KRTCAP2: variants seen among roughly 807,000 people sequenced by gnomAD.
KRTCAP2 encodes the protein keratinocyte associated protein 2, also known as dolichyl-diphosphooligosaccharide--protein glycosyltransferase subunit KCP2.
Under a neutral mutation model 16.5 loss-of-function variants are expected in KRTCAP2, and 10 were observed. The observed-to-expected ratio is 0.60, with a 90% confidence interval of 0.37 to 1.02. KRTCAP2 has a LOEUF of 1.02. Among genes scored for constraint, KRTCAP2 ranks in the 50% least tolerant of loss-of-function variants. The probability of loss-of-function intolerance (pLI) is 0.01; values close to 1 mark genes in which losing one functional copy is unlikely to be tolerated. For synonymous variants in KRTCAP2, 68 were observed against 69.8 expected, an observed-to-expected ratio of 0.97 and a Z score of 0.13; for missense variants, 152 against 159.6, an observed-to-expected ratio of 0.95 and a Z score of 0.26.
chr1:155,170,861 T>G (rs1665216697), intron 3 of KRTCAP2: 2 of 152,058 alleles, frequency 1.3e-5, no homozygotes, highest in Admixed American at 1.3e-4. Context: ...CAGGCTGGAG[T>G]GCAGTGGTGC....
At chr1:155,172,665 G>A (rs1447696045) in intron 2 of KRTCAP2, 37 bp from the exon 3 acceptor site, 1 of 1,614,036 alleles carries the variant, frequency 6.2e-7, no homozygotes, top group Non-Finnish European at 8.5e-7. Context: ...TGTGCAACGG[G>A]GACAGAGCTG....
rs567175830 is a variant in KRTCAP2 at position 155,173,150 on chromosome 1, A to C, written c.4+71T>G. 1.7e-5 allele frequency: 23 copies of C among 1,330,588 alleles called. No homozygotes were observed. In the East Asian group the frequency reaches 5.3e-4, roughly 31 times the overall value. 82.4% of individuals were successfully genotyped at this position (1,330,588 alleles called of 1,614,324 possible). On this transcript the variant is annotated intron_variant, in intron 1 of 4. Transcript: ENST00000295682. ...GACACGTCAGCTCTGTCGGGAGAGG[A>C]CGAGGAAAGCTTGTCCACCCAAACC...
intron 2 of KRTCAP2, 25 bp from the exon 3 acceptor site, chr1:155,172,653 G>A (rs998083106): frequency 6.2e-7 from 1 of 1,614,138 alleles, no homozygotes; most frequent in Non-Finnish European, 8.5e-7. Context: ...TAAGGAGTAG[G>A]GTGTGCAACG....
At position 155,173,247 on chromosome 1, in the gene KRTCAP2, C is replaced by T; in HGVS notation, c.-23G>A. The T allele has an allele frequency of 6.2e-7, 1 of 1,614,084 alleles. No homozygotes were observed. Among genetic ancestry groups the T allele is most frequent in the Non-Finnish European group, 8.5e-7 (1 of 1,180,022 alleles). ...CATCATGCCCCGCCCGTGAGTCCAACCGGCGCCTCTGGCCAAGAAAGGCGA... is the reference window on the plus strand; with the variant it reads ...CATCATGCCCCGCCCGTGAGTCCAATCGGCGCCTCTGGCCAAGAAAGGCGA... On this transcript the variant is annotated 5_prime_UTR_variant, in exon 1 of 5. Transcript: ENST00000295682.
At position 155,169,822 on chromosome 1, in the gene KRTCAP2, C is replaced by T; in HGVS notation, c.259G>A (p.Gly87Ser). ...LCLLLALFAS[G>S]LIHRVCVTTC... ...GTGACACAGACTCGGTGGATGAGGC[C>T]AGATGCAAAGAGAGCCAACAGGAGG... Residue 87 changes from glycine to serine, a missense_variant, in exon 4 of 5, where the codon GGC (glycine) becomes AGC (serine). Transcript: ENST00000295682. 2 of 1,596,984 alleles carry T rather than the reference C, an allele frequency of 1.3e-6. No individual in the cohort carries two copies. The highest frequency in any genetic ancestry group is 1.7e-6 in the Non-Finnish European group (2 of 1,171,228).
intron 4 of KRTCAP2, 43 bp from the exon 5 acceptor site, chr1:155,169,603 TG>T: frequency 6.2e-7 from 1 of 1,603,276 alleles, no homozygotes; most frequent in Admixed American, 1.7e-5. Context: ...AGTGGGCATC[TG>T]CCAGCCTGGT....
intron 3 of KRTCAP2, 112 bp downstream of exon 3, chr1:155,172,453 A>G (rs1665286100): frequency 1.3e-6 from 2 of 1,577,426 alleles, no homozygotes; most frequent in African/African-American, 1.4e-5. Context: ...CAGCTTCAGT[A>G]AATATATTTC....
chr1:155,172,527 GAGA>G (rs1336110003), intron 3 of KRTCAP2, 35 bp downstream of exon 3: 2 of 1,614,044 alleles, frequency 1.2e-6, no homozygotes, highest in Non-Finnish European at 1.7e-6. Context: ...GGTTAAAGAG[GAGA>G]AAGTTCAAAT....
At chr1:155,169,720 G>T in intron 4 of KRTCAP2, 71 bp downstream of exon 4, 2 of 1,405,700 alleles carry the variant, frequency 1.4e-6, no homozygotes, top group Non-Finnish European at 2.0e-6. Context: ...AAAAACTCTG[G>T]CACCATCACA....
In KRTCAP2 at chr1:155,172,627, G is replaced by A. The variant is rs1230041468; in HGVS notation, c.161C>T (p.Ala54Val). Residue 54 changes from alanine (A) to valine (V), a missense_variant and splice_region_variant, in exon 3 of 5, where the codon GCC (alanine) becomes GTC (valine). Coordinates refer to ENST00000295682, the MANE Select transcript of KRTCAP2 (RefSeq NM_173852.4). ...GACAAGATTCTCCAGATTATTGAAG[G>A]CCTGGTTGAGGGAGTTAAGGAGTAG... The part of the protein sequence containing the change: ...GSGLFVFSLT[A>V]FNNLENLVFG... The A allele has an allele frequency of 1.1e-5, 17 of 1,614,188 alleles. No homozygotes were observed. The highest frequency in any genetic ancestry group is 1.4e-5 in the Non-Finnish European group (16 of 1,180,038).
At position 155,169,489 on chromosome 1, in the gene KRTCAP2, G is replaced by C. The variant is rs752593729; in HGVS notation, c.362C>G (p.Pro121Arg). The C allele has an allele frequency of 1.8e-5, 29 of 1,613,982 alleles. No homozygotes were observed. In the African/African-American group the frequency reaches 3.6e-4, roughly 20 times the overall value. The change falls in exon 5 of 5, where the codon CCA becomes CGA. Residue 121 changes from proline (P) to arginine (R), a missense_variant. Pro to Arg is a moderately radical substitution (Grantham distance 103). Coordinates refer to ENST00000295682, the MANE Select transcript of KRTCAP2 (RefSeq NM_173852.4). ...TGTGACCTTGGCTGGTGTGAGGACT[G>C]GAGCTGCTGCCTGGTACAGGGTGGA... ...ISSTLYQAAAPVLTPAKVTGK... is the reference protein window; with the variant it reads ...ISSTLYQAAARVLTPAKVTGK...
In KRTCAP2 at chr1:155,169,695, G is replaced by C. The variant is rs1035495283; in HGVS notation, c.290+96C>G. 6.7e-6 allele frequency: 9 copies of C among 1,351,924 alleles called. No homozygotes were observed. The African/African-American group carries it at 1.3e-4, about 19-fold the overall frequency. 83.7% of individuals were successfully genotyped at this position (1,351,924 alleles called of 1,614,324 possible). A position where few individuals can be genotyped will look rare whatever the true frequency, so the allele number is the denominator to read the frequency against. On this transcript the variant is annotated intron_variant, in intron 4 of 4. Coordinates refer to ENST00000295682, the MANE Select transcript of KRTCAP2 (RefSeq NM_173852.4). ...AACGGGGAGGGAGAACAGAGAGAGAGGTAGGTGTGGAAGGAAAAACTCTGG... is the reference window on the plus strand; with the variant it reads ...AACGGGGAGGGAGAACAGAGAGAGACGTAGGTGTGGAAGGAAAAACTCTGG...
At chr1:155,169,743 G>A (rs1332729814) in intron 4 of KRTCAP2, 48 bp downstream of exon 4, 4 of 1,502,876 alleles carry the variant, frequency 2.7e-6, no homozygotes, top group Non-Finnish European at 3.7e-6. Flanking sequence ...AAGATCCAAT[G>A]CCAAAAAACG....
At chr1:155,172,420 G>T in intron 3 of KRTCAP2, 145 bp downstream of exon 3, 5 of 1,506,422 alleles carry the variant, frequency 3.3e-6, no homozygotes, top group Non-Finnish European at 4.4e-6. Context: ...GTGCAGAATC[G>T]AAAAGCGTCA....
intron 3 of KRTCAP2, chr1:155,171,327 G>A (rs1040475122): frequency 2.8e-6 from 1 of 360,224 alleles, no homozygotes; most frequent in Non-Finnish European, 3.9e-6. Flanking sequence ...GCTGAGGCAG[G>A]AGAATCGCTT....
intron 3 of KRTCAP2, chr1:155,171,348 G>A (rs1665232392): frequency 1.7e-6 from 1 of 578,942 alleles, no homozygotes; most frequent in Non-Finnish European, 2.2e-6. Context: ...GAACCTGGGA[G>A]GCAGAGGCTC....
intron 3 of KRTCAP2, 39 bp downstream of exon 3, chr1:155,172,526 G>A: frequency 6.2e-7 from 1 of 1,614,176 alleles, no homozygotes; most frequent in Non-Finnish European, 8.5e-7. Context: ...AGGTTAAAGA[G>A]GAGAAAGTTC....
rs1322732004 is a variant in KRTCAP2 at position 155,169,644 on chromosome 1, A to G, written c.291-84T>C. The G allele has an allele frequency of 1.3e-5, 19 of 1,514,352 alleles. No homozygotes were observed. In the South Asian group the frequency reaches 2.1e-4, roughly 17 times the overall value. The allele number at this position is 1,514,352 out of a possible 1,614,324, so 93.8% of individuals were successfully genotyped here. ...CCTAGGGAAGACACTAGCATCAAGG[A>G]AAGAATCCAAGTTCAAGTTTAGGAA... On this transcript the variant is annotated intron_variant, in intron 4 of 4. Transcript: ENST00000295682.
At chr1:155,171,496 C>T in intron 3 of KRTCAP2, 2 of 984,458 alleles carry the variant, frequency 2.0e-6, no homozygotes, top group African/African-American at 1.8e-5. Flanking sequence ...CCCGGGGCTA[C>T]TGGATGGAAA....
Sources: gnomAD v4.1 joint callset for allele counts on GRCh38, gnomAD v4.1.1 for gene constraint, MANE v1.5 for transcripts, NCBI Gene and HGNC (gene_info 2026-07-23, HGNC 2026-07-21) for gene names.